The following FRY variants were observed in gnomAD, a reference collection of about 807,000 sequenced individuals.
FRY encodes the protein FRY microtubule binding protein, also known as protein furry homolog.
Under a neutral mutation model 348.4 loss-of-function variants are expected in FRY, and 128 were observed. The observed-to-expected ratio is 0.37, with a 90% CI of 0.32 to 0.43. FRY has a LOEUF of 0.43. Among genes scored for constraint, FRY ranks in the 20% least tolerant of loss-of-function variants. FRY has a pLI of 1.00. For synonymous variants in FRY, 1,370 were observed against 1,374.7 expected (o/e 1.00, Z 0.08); for missense variants, 2,736 against 3,695.2 (o/e 0.74, Z 6.73).
intron 55 of FRY, among the ~76,000 whole-genome samples, 199 bp from the exon 56 acceptor site, chr13:32,274,643 G>T (rs180861041): frequency 1.4e-3 from 197 of 137,114 alleles, no homozygotes; most frequent in African/African-American, 5.0e-3. Flanking sequence ...GGGGGAGCTT[G>T]CAGTGAGCCG....
At chr13:32,201,847 G>A (rs1884047602) in intron 29 of FRY, 94 bp from the exon 30 acceptor site, 3 of 794,962 alleles carry the variant, frequency 3.8e-6, no homozygotes, top group Non-Finnish European at 4.5e-6. Flanking sequence ...AAGTGACCGA[G>A]GTCAGCATGC....
chr13:32,130,817 AT>A (rs34805416), intron 7 of FRY, among the ~76,000 whole-genome samples: 58,694 of 143,358 alleles, frequency 0.41, 12,292 homozygotes, highest in East Asian at 0.67. Context: ...CCATTACTAG[AT>A]TTTTTTTTTT....
chr13:32,051,562 G>T (rs932629525), intron 1 of FRY, among the ~76,000 whole-genome samples: 3 of 152,190 alleles, frequency 2.0e-5, no homozygotes, highest in South Asian at 2.1e-4. Flanking sequence ...AAGATGAAAT[G>T]ATTCTGCTAT....
chr13:32,257,712 A>G (rs770771395), intron 51 of FRY, among the ~76,000 whole-genome samples: 2 of 152,264 alleles, frequency 1.3e-5, no homozygotes, highest in Non-Finnish European at 1.5e-5. Flanking sequence ...AATTGTAATA[A>G]TGATTTGTTA....
At chr13:32,032,269 T>G (rs1036811093) in intron 1 of FRY, among the ~76,000 whole-genome samples, 8 of 152,202 alleles carry the variant, frequency 5.3e-5, no homozygotes, top group African/African-American at 1.9e-4. Context: ...TTTTGTGAAG[T>G]GTGATTTAAT....
chr13:32,162,078 T>C, intron 17 of FRY, among the ~76,000 whole-genome samples: 1 of 152,132 alleles, frequency 6.6e-6, no homozygotes, highest in East Asian at 1.9e-4. Flanking sequence ...GAAAATAGTT[T>C]ACAAACCCAA....
chr13:32,119,876 A>G (rs1003732172), intron 4 of FRY, among the ~76,000 whole-genome samples: 1 of 152,140 alleles, frequency 6.6e-6, no homozygotes, highest in Non-Finnish European at 1.5e-5. Context: ...CTGTTGATAC[A>G]TTTACTCCTT....
chr13:32,058,678 G>A (rs1873770689), intron 1 of FRY, among the ~76,000 whole-genome samples: 1 of 152,134 alleles, frequency 6.6e-6, no homozygotes, highest in Non-Finnish European at 1.5e-5. Flanking sequence ...TAATATAGGA[G>A]AACATGGGCT....
intron 1 of FRY, among the ~76,000 whole-genome samples, chr13:32,054,361 A>AT (rs893192157): frequency 2.0e-5 from 3 of 152,032 alleles, no homozygotes; most frequent in African/African-American, 7.2e-5. Context: ...TCAAGTGATC[A>AT]TTTTTTTACA....
chr13:32,070,351 T>C (rs992191377), intron 1 of FRY, among the ~76,000 whole-genome samples: 1 of 152,210 alleles, frequency 6.6e-6, no homozygotes, highest in Non-Finnish European at 1.5e-5. Flanking sequence ...AAAGCGTTCC[T>C]ATTTCTCCAC....
In FRY at chr13:32,161,211, G is replaced by T. The variant is rs1881425036; in HGVS notation, c.1852G>T (p.Asp618Tyr). ...CVAAIPRLLPDGMSKLELIDL... is the reference protein window; with the variant it reads ...CVAAIPRLLPYGMSKLELIDL... The stretch of plus-strand genomic sequence containing the variant: ...TGCTGCTATTCCTCGACTGCTTCCT[G>T]ATGGGATGTCAAAACTTGAACTTAT... The change falls in exon 17 of 61, where the codon GAT becomes TAT. Residue 618 changes from aspartate (D) to tyrosine (Y), a missense_variant. Asp to Tyr is a radical substitution (Grantham distance 160). Coordinates refer to ENST00000542859, the MANE Select transcript of FRY (RefSeq NM_023037.3). The T allele has an allele frequency of 8.1e-6, 13 of 1,613,114 alleles. No homozygotes were observed. The highest frequency in any genetic ancestry group is 2.7e-5 in the African/African-American group (2 of 74,866).
At chr13:32,234,375 A>C (rs546077995) in intron 41 of FRY, among the ~76,000 whole-genome samples, 199 bp from the exon 42 acceptor site, 2 of 152,148 alleles carry the variant, frequency 1.3e-5, no homozygotes, top group Admixed American at 1.3e-4. Context: ...GTGAGCCGTG[A>C]TCATGCCACT....
rs746383124 is a variant in FRY, at chr13:32,078,942, G to A, written c.179G>A (p.Ser60Asn). Reference sequence around the variant, plus strand: ...CTACCCATCAATGTGGACCCAGACAGTAAACCAGGAGAATATGTCCTCAAA... The same window carrying A: ...CTACCCATCAATGTGGACCCAGACAATAAACCAGGAGAATATGTCCTCAAA... ...TMLPINVDPD[S>N]KPGEYVLKSL... Residue 60 changes from serine (S) to asparagine (N), a missense_variant, in exon 2 of 61, where the codon AGT becomes AAT. By Grantham distance (46) the Ser-to-Asn change is conservative (BLOSUM62 1). Transcript: ENST00000542859. The A allele has an allele frequency of 1.2e-6, 2 of 1,613,686 alleles. No homozygotes were observed. Among genetic ancestry groups the A allele is most frequent in the African/African-American group, 2.7e-5 (2 of 74,910 alleles).
At chr13:32,044,222 T>C (rs1367049172) in intron 1 of FRY, among the ~76,000 whole-genome samples, 1 of 152,236 alleles carries the variant, frequency 6.6e-6, no homozygotes, top group African/African-American at 2.4e-5. Context: ...AATGTTTTTC[T>C]GTTTTCAGAT....
At chr13:32,264,279 C>T (rs887720540) in intron 53 of FRY, among the ~76,000 whole-genome samples, 2 of 152,128 alleles carry the variant, frequency 1.3e-5, no homozygotes, top group African/African-American at 4.8e-5. Flanking sequence ...GGATAAACCT[C>T]TCAAACTCAG....
chr13:32,182,906 A>G, intron 23 of FRY, 71 bp from the exon 24 acceptor site: 1 of 912,598 alleles, frequency 1.1e-6, no homozygotes. Context: ...GATTAAATGG[A>G]TATAGAGTAT....
intron 7 of FRY, 130 bp downstream of exon 7, chr13:32,125,005 C>A: frequency 1.3e-6 from 1 of 749,326 alleles, no homozygotes; most frequent in Non-Finnish European, 2.4e-6. Flanking sequence ...TGTGCCCCAT[C>A]TCTGAAACTG....
chr13:32,039,023 C>T lies in FRY; in HGVS notation c.70+7158C>T, dbSNP rs113165139. On this transcript the variant is annotated intron_variant, in intron 1 of 60. Coordinates refer to ENST00000542859, the MANE Select transcript of FRY (RefSeq NM_023037.3). ...AGAAGTTTCCAGGACTTCAGGGATC[C>T]TAGGGAGAGGTATCCAATGATGTTT... Among the ~76,000 whole-genome samples, 1,129 of 152,132 alleles carry T rather than the reference C, an allele frequency of 7.4e-3. 15 individuals are homozygous for T. Among genetic ancestry groups the T allele is most frequent in the African/African-American group, 0.026 (1,066 of 41,506 alleles).
intron 1 of FRY, among the ~76,000 whole-genome samples, chr13:32,078,519 T>C (rs1162502331): frequency 2.6e-5 from 4 of 152,190 alleles, no homozygotes; most frequent in African/African-American, 7.2e-5. Flanking sequence ...GCTGTTTCCG[T>C]AGAACCAAAA....
Sources: gnomAD v4.1 joint callset for allele counts (sites outside exome capture counted in the v4.1 genomes callset) on GRCh38, gnomAD v4.1.1 for gene constraint, MANE v1.5 for transcripts, NCBI Gene and HGNC (gene_info 2026-07-23, HGNC 2026-07-21) for gene names.